Variants in UTS2 observed in about 807,000 individuals in gnomAD.
The protein encoded by UTS2 is urotensin 2, also known as urotensin-2.
UTS2 carries 10 observed loss-of-function variants against 12.6 expected under a neutral mutation model. The observed-to-expected ratio is 0.80, with a 90% CI of 0.49 to 1.35. The LOEUF (loss-of-function observed/expected upper bound fraction) is 1.35, where lower values mean the gene tolerates loss of function less well. Ranked by LOEUF, UTS2 falls within the 40% of genes most tolerant of loss-of-function variation. The pLI is 0.00. For missense variants in UTS2, 142 were observed against 143.2 expected (o/e 0.99, Z 0.04); for synonymous variants, 52 against 50.0 (o/e 1.04, Z -0.17).
the UTS2 span, among the ~76,000 whole-genome samples, chr1:7,904,658 A>C: frequency 5.3e-5 from 8 of 152,292 alleles, no homozygotes; most frequent in South Asian, 6.2e-4. Flanking sequence ...TAATCCCAGC[A>C]CTTTGGGAGG....
chr1:7,911,234 A>C, the UTS2 span, among the ~76,000 whole-genome samples: 1 of 152,190 alleles, frequency 6.6e-6, no homozygotes, highest in Non-Finnish European at 1.5e-5. Context: ...GCACAATTGC[A>C]GGATGTGTGA....
the UTS2 span, among the ~76,000 whole-genome samples, chr1:7,887,236 G>T: frequency 6.6e-6 from 1 of 151,702 alleles, no homozygotes; most frequent in East Asian, 1.9e-4. Context: ...ATGGCATTAG[G>T]GTTGGAGCGG....
intron 3 of UTS2, among the ~76,000 whole-genome samples, chr1:7,849,095 ATTCT>A (rs2097411062): frequency 1.3e-5 from 2 of 152,034 alleles, no homozygotes; most frequent in Non-Finnish European, 2.9e-5. Flanking sequence ...CATTTTTTTC[ATTCT>A]TTCACAACTT....
At chr1:7,871,437 A>G in the UTS2 span, among the ~76,000 whole-genome samples, 1 of 152,134 alleles carries the variant, frequency 6.6e-6, no homozygotes, top group African/African-American at 2.4e-5. Flanking sequence ...GCTTCACTCC[A>G]CAGCCCTGCA....
chr1:7,860,185 G>A, the UTS2 span, among the ~76,000 whole-genome samples: 1 of 152,180 alleles, frequency 6.6e-6, no homozygotes, highest in Non-Finnish European at 1.5e-5. Flanking sequence ...TCAGTGTCAG[G>A]TGCTGATCAA....
chr1:7,906,475 G>GAAAGAAAGAA, the UTS2 span, among the ~76,000 whole-genome samples: 1 of 121,206 alleles, frequency 8.3e-6, no homozygotes, highest in Admixed American at 9.0e-5. Flanking sequence ...AAGAAAGAAA[G>GAAAGAAAGAA]AAAGAAAGAA....
At chr1:7,908,191 C>T in the UTS2 span, among the ~76,000 whole-genome samples, 2 of 151,582 alleles carry the variant, frequency 1.3e-5, no homozygotes, top group Non-Finnish European at 2.9e-5. Context: ...CCCAGCTACT[C>T]CGGAGCCTGG....
the UTS2 span, among the ~76,000 whole-genome samples, chr1:7,893,918 CTTCT>C: frequency 1.3e-5 from 2 of 152,196 alleles, no homozygotes; most frequent in African/African-American, 4.8e-5. Context: ...ATGATAGATT[CTTCT>C]TTGTCTAAAA....
the UTS2 span, among the ~76,000 whole-genome samples, chr1:7,890,516 AAC>A: frequency 6.6e-6 from 1 of 152,174 alleles, no homozygotes; most frequent in African/African-American, 2.4e-5. Context: ...CAGTTCAAGG[AAC>A]ACATCCTAGG....
the UTS2 span, among the ~76,000 whole-genome samples, chr1:7,896,120 T>C: frequency 6.6e-6 from 1 of 152,120 alleles, no homozygotes; most frequent in Non-Finnish European, 1.5e-5. Flanking sequence ...CAGTGTAGAG[T>C]AGAATTGTTT....
chr1:7,905,659 T>C, the UTS2 span, among the ~76,000 whole-genome samples: 1 of 152,150 alleles, frequency 6.6e-6, no homozygotes, highest in African/African-American at 2.4e-5. Flanking sequence ...ATTCTGCTTC[T>C]AGATGGCCTC....
chr1:7,898,143 A>T, the UTS2 span, among the ~76,000 whole-genome samples: 1 of 152,156 alleles, frequency 6.6e-6, no homozygotes, highest in Non-Finnish European at 1.5e-5. Flanking sequence ...GAATCTTCAA[A>T]ATTTAAATTT....
At chr1:7,851,026 G>T in intron 1 of UTS2, 104 bp from the exon 2 acceptor site, 1 of 1,105,362 alleles carries the variant, frequency 9.0e-7, no homozygotes, top group South Asian at 1.3e-5. Context: ...ATGAACACTA[G>T]AAAAACTTCC....
chr1:7,856,423 A>G (rs534328988), upstream of UTS2, among the ~76,000 whole-genome samples: 81 of 152,320 alleles, frequency 5.3e-4, 1 homozygote, highest in African/African-American at 1.8e-3. Flanking sequence ...GCCCTGGAAA[A>G]GGGGCATCTG....
intron 3 of UTS2, 62 bp from the exon 4 acceptor site, chr1:7,847,944 G>A (rs2097409558): frequency 3.4e-6 from 4 of 1,189,048 alleles, no homozygotes; most frequent in Non-Finnish European, 4.9e-6. Context: ...AACGAGTGAC[G>A]ATTCCTATAA....
the UTS2 span, among the ~76,000 whole-genome samples, chr1:7,861,614 C>T: frequency 0.021 from 3,136 of 152,260 alleles, 92 homozygotes; most frequent in African/African-American, 0.071. Context: ...CAGCAGCCTC[C>T]GCAGCAGGCC....
the UTS2 span, among the ~76,000 whole-genome samples, chr1:7,873,967 T>C: frequency 1.3e-4 from 20 of 152,096 alleles, no homozygotes; most frequent in Non-Finnish European, 2.9e-5. Flanking sequence ...CAGCTCAAGA[T>C]GGTGACCAGA....
intron 3 of UTS2, among the ~76,000 whole-genome samples, chr1:7,849,230 T>G (rs146041493): frequency 1.3e-5 from 2 of 152,282 alleles, no homozygotes; most frequent in African/African-American, 4.8e-5. Flanking sequence ...TATTATTATT[T>G]TGAGATGAAG....
the UTS2 span, among the ~76,000 whole-genome samples, chr1:7,887,032 C>G: frequency 5.6e-5 from 6 of 106,458 alleles, no homozygotes; most frequent in South Asian, 2.0e-3. Flanking sequence ...CAGGGCAAGA[C>G]TCCGTCTCAA....
Sources: allele counts gnomAD v4.1 joint callset (sites outside exome capture counted in the v4.1 genomes callset), GRCh38; gene constraint gnomAD v4.1.1; transcripts MANE v1.5; gene names NCBI Gene and HGNC (gene_info 2026-07-23, HGNC 2026-07-21).